Variants in TMEM45B observed in about 807,000 individuals in gnomAD.
TMEM45B encodes the protein transmembrane protein 45B.
Under a neutral mutation model 27.3 loss-of-function variants are expected in TMEM45B, and 29 were observed. That is an observed-to-expected ratio of 1.06 (90% CI 0.79 to 1.45). TMEM45B has a LOEUF of 1.45. TMEM45B is among the 40% of genes most tolerant of loss of function. The pLI is 0.00. For synonymous variants in TMEM45B, 143 were observed against 134.7 expected, an observed-to-expected ratio of 1.06 and a Z score of -0.43; for missense variants, 348 against 343.9, an observed-to-expected ratio of 1.01 and a Z score of -0.09.
Position 129,858,653 on chromosome 11 carries a change from A to T in TMEM45B, c.796A>T (p.Thr266Ser). ...GCTGAATTCAGATGACACTTACCAG[A>T]CCGCCCTCTTGAGTGGCTCAGATGA... ...QKLNSDDTYQ[T>S]ALLSGSDEE The change falls in exon 6 of 6, where the codon ACC (threonine) becomes TCC (serine). Residue 266 changes from threonine (T) to serine (S), a missense_variant. Physicochemically the swap from Thr to Ser is moderately conservative, Grantham distance 58 (BLOSUM62 1). Coordinates refer to ENST00000281441, the MANE Select transcript of TMEM45B (RefSeq NM_138788.5). 1 of 1,571,436 alleles carries T rather than the reference A, an allele frequency of 6.4e-7. No homozygotes were observed. Among genetic ancestry groups the T allele is most frequent in the Non-Finnish European group, 8.6e-7 (1 of 1,156,766 alleles).
At chr11:129,853,131 A>T (rs1947872218) in intron 2 of TMEM45B, among the ~76,000 whole-genome samples, 1 of 152,156 alleles carries the variant, frequency 6.6e-6, no homozygotes, top group Non-Finnish European at 1.5e-5. Flanking sequence ...GTTTATGTAG[A>T]TTCGTAAATT....
chr11:129,833,864 A>T (rs1947584551), intron 1 of TMEM45B, among the ~76,000 whole-genome samples: 1 of 152,242 alleles, frequency 6.6e-6, no homozygotes, highest in Non-Finnish European at 1.5e-5. Context: ...CAAGCCCAGG[A>T]GAGACACCTC....
Position 129,852,605 on chromosome 11 carries a change from C to G in TMEM45B, c.123C>G (p.Tyr41Ter). The G allele has an allele frequency of 6.2e-7, 1 of 1,613,084 alleles. No individual in the cohort carries two copies. The change falls in exon 2 of 6, where the codon TAC (tyrosine) becomes TAG (stop). Residue 41 changes from tyrosine (Y) to a stop codon, truncating the protein, a stop_gained. Transcript: ENST00000281441. LOFTEE classifies it high-confidence loss of function. ...CGCGGAAGAACAGCCCACTACATTA[C>G]TATCAGCGTCTCGAGATCGTCGAAG... is the stretch of plus-strand genomic sequence containing the variant. ...SHTRKNSPLH[Y>*]YQRLEIVEAA...
At chr11:129,856,896 G>A (rs1239053977) in intron 4 of TMEM45B, among the ~76,000 whole-genome samples, 5 of 140,776 alleles carry the variant, frequency 3.6e-5, no homozygotes, top group Non-Finnish European at 6.2e-5. Context: ...ACTGTGGCCC[G>A]GGCTGGTGTG....
At chr11:129,839,236 A>G (rs1370022464) in intron 1 of TMEM45B, among the ~76,000 whole-genome samples, 7 of 152,160 alleles carry the variant, frequency 4.6e-5, no homozygotes, top group Non-Finnish European at 7.4e-5. Flanking sequence ...CTTGGTTGCT[A>G]TTTTTAATAC....
chr11:129,832,206 T>C (rs1947558101), intron 1 of TMEM45B, among the ~76,000 whole-genome samples: 1 of 151,084 alleles, frequency 6.6e-6, no homozygotes, highest in Non-Finnish European at 1.5e-5. Flanking sequence ...CCGTTTCTAC[T>C]AAAAATACAG....
rs1438143172 is a variant in TMEM45B at position 129,852,614 on chromosome 11, T to C, written c.132T>C (p.Arg44=). The change falls in exon 2 of 6, where the codon CGT becomes CGC. Residue 44 remains arginine (R), a synonymous_variant. Coordinates refer to ENST00000281441, the MANE Select transcript of TMEM45B (RefSeq NM_138788.5). ...RKNSPLHYYQ[R]LEIVEAAIRT... ...ACAGCCCACTACATTACTATCAGCG[T>C]CTCGAGATCGTCGAAGCCGCAATTA... The C allele has an allele frequency of 1.9e-6, 3 of 1,612,386 alleles. No individual in the cohort carries two copies. Among genetic ancestry groups the C allele is most frequent in the Admixed American group, 3.3e-5 (2 of 59,974 alleles).
chr11:129,826,535 C>G (rs1185663058), intron 1 of TMEM45B, among the ~76,000 whole-genome samples: 1 of 77,186 alleles, frequency 1.3e-5, no homozygotes, highest in Admixed American at 1.8e-4. Context: ...GGGGACACAG[C>G]AAGACTCTGT....
In TMEM45B at chr11:129,859,295, G is replaced by T. The variant is rs1348524670; in HGVS notation, c.*610G>T. 6.6e-6 allele frequency: 1 copy of T among 152,074 alleles called. No individual in the cohort carries two copies. The highest frequency in any genetic ancestry group is 1.5e-5 in the Non-Finnish European group (1 of 68,016). 9.4% of individuals were successfully genotyped at this position (152,074 alleles called of 1,614,324 possible). ...TATAAGTGACAAAATTAGGCCAAAG[G>T]TGATTTTTTTTTAAATCAGGAAGCT... On this transcript the variant is annotated 3_prime_UTR_variant, in exon 6 of 6. Transcript: ENST00000281441.
chr11:129,831,356 C>T (rs1259581801), intron 1 of TMEM45B, among the ~76,000 whole-genome samples: 1 of 152,190 alleles, frequency 6.6e-6, no homozygotes, highest in Non-Finnish European at 1.5e-5. Context: ...ATAAGGGTTA[C>T]ATGAACACAA....
At chr11:129,848,910 C>T (rs1226471038) in intron 1 of TMEM45B, among the ~76,000 whole-genome samples, 3 of 152,144 alleles carry the variant, frequency 2.0e-5, no homozygotes, top group African/African-American at 7.2e-5. Context: ...GGTGCTTAAT[C>T]CCATCCACAA....
chr11:129,831,542 G>A (rs1298316745), intron 1 of TMEM45B, among the ~76,000 whole-genome samples: 2 of 152,084 alleles, frequency 1.3e-5, no homozygotes, highest in Non-Finnish European at 1.5e-5. Context: ...TTGAAGTTTC[G>A]ATGTAATGGT....
chr11:129,856,661 G>T (rs539842403), intron 4 of TMEM45B, among the ~76,000 whole-genome samples: 5 of 141,832 alleles, frequency 3.5e-5, no homozygotes, highest in Non-Finnish European at 7.5e-5. Context: ...CCAGGTTCAC[G>T]CCATTCTCCT....
chr11:129,852,334 G>A (rs1038155084), intron 1 of TMEM45B, 141 bp from the exon 2 acceptor site: 1 of 729,834 alleles, frequency 1.4e-6, no homozygotes, highest in African/African-American at 1.8e-5. Flanking sequence ...GTAACATAAG[G>A]CTTGTTTTAT....
chr11:129,852,582 C>CTAAAGTGGGCTAGTG lies in TMEM45B; in HGVS notation c.100_101insTAAAGTGGGCTAGTG (p.Arg34delinsLeuLysTrpAlaSerGly). On this transcript the variant is annotated protein_altering_variant, in exon 2 of 6. Transcript: ENST00000281441. ...CCCGCTGAAGTACTTTAGCCACACG[C>CTAAAGTGGGCTAGTG]GGAAGAACAGCCCACTACATTACTA... 1 of 1,613,910 alleles carries CTAAAGTGGGCTAGTG rather than the reference C, an allele frequency of 6.2e-7. No homozygotes were observed. Among genetic ancestry groups the CTAAAGTGGGCTAGTG allele is most frequent in the East Asian group, 2.2e-5 (1 of 44,884 alleles).
At chr11:129,837,400 C>T (rs184903919) in intron 1 of TMEM45B, among the ~76,000 whole-genome samples, 130 of 151,934 alleles carry the variant, frequency 8.6e-4, no homozygotes, top group Admixed American at 3.4e-3. Context: ...ATTCTCCTGC[C>T]TCAGCCTCCT....
rs1369952840 is a variant in TMEM45B at position 129,855,318 on chromosome 11, T to C, written c.386-390T>C. Among the ~76,000 whole-genome samples the C allele has an allele frequency of 2.0e-5, 3 of 152,120 alleles. No individual in the cohort carries two copies. In the East Asian group the frequency reaches 5.8e-4, roughly 29 times the overall value. On this transcript the variant is annotated intron_variant, in intron 3 of 5. Coordinates refer to ENST00000281441, the MANE Select transcript of TMEM45B (RefSeq NM_138788.5). ...TCCACTGCCAGGGGAGCGCTGCCAG[T>C]ATGACTCACACTGACTGGGGTATGA...
rs373434770 is a variant in TMEM45B, at chr11:129,852,475, G to A, written c.-8G>A. Reference sequence around the variant, plus strand: ...TAACAGCCTTCCCCTAATTTTTTAGGTGTCCTGATGGCAAATTTCAAGGGC... The same window carrying A: ...TAACAGCCTTCCCCTAATTTTTTAGATGTCCTGATGGCAAATTTCAAGGGC... On this transcript the variant is annotated splice_region_variant and 5_prime_UTR_variant, in exon 2 of 6. It adds an upstream start codon to the 5' untranslated region. Coordinates refer to ENST00000281441, the MANE Select transcript of TMEM45B (RefSeq NM_138788.5). 159 of 1,577,878 alleles carry A rather than the reference G, an allele frequency of 1.0e-4. No homozygotes were observed. In the Admixed American group the frequency reaches 1.4e-3, roughly 14 times the overall value.
At chr11:129,854,967 G>C in intron 3 of TMEM45B, 151 bp downstream of exon 3, 1 of 872,984 alleles carries the variant, frequency 1.1e-6, no homozygotes, top group Non-Finnish European at 1.7e-6. Flanking sequence ...ATAGGACCTA[G>C]TGCTCTACTC....
Sources: gnomAD v4.1 joint callset for allele counts (sites outside exome capture counted in the v4.1 genomes callset) on GRCh38, gnomAD v4.1.1 for gene constraint, MANE v1.5 for transcripts, NCBI Gene and HGNC (gene_info 2026-07-23, HGNC 2026-07-21) for gene names.